The following RABGAP1L variants were observed in gnomAD, a reference collection of about 807,000 sequenced individuals.
The protein encoded by RABGAP1L is rab GTPase-activating protein 1-like.
A neutral mutation model predicts 137.7 loss-of-function variants in RABGAP1L; 63 were observed. The observed-to-expected ratio is 0.46, with a 90% CI of 0.37 to 0.56. The LOEUF is 0.56. Ranked by LOEUF, RABGAP1L falls within the 20% of genes least tolerant of loss-of-function variation. RABGAP1L has a pLI of 0.00. For missense variants in RABGAP1L, 1,095 were observed against 1,244.0 expected (o/e 0.88, Z 1.80); for synonymous variants, 431 against 433.7 (o/e 0.99, Z 0.08).
Position 174,617,340 on chromosome 1 carries a change from G to A in RABGAP1L, c.1711-20035G>A, listed in dbSNP as rs551767770. Among the ~76,000 whole-genome samples the A allele has an allele frequency of 5.3e-5, 8 of 152,252 alleles. No homozygotes were observed. The East Asian group carries it at 1.5e-3, about 29-fold the overall frequency. On this transcript the variant is annotated intron_variant, in intron 13 of 25. Coordinates refer to ENST00000681986, the MANE Select transcript of RABGAP1L (RefSeq NM_001366446.1). The stretch of plus-strand genomic sequence containing the variant: ...ACCCTCTCGAATAGTGAAAAATGAA[G>A]AAAGTAGAGTATCAGGAAAGAAAGT...
intron 20 of RABGAP1L, among the ~76,000 whole-genome samples, chr1:174,968,295 TGAAAAACAG>T (rs1229363545): frequency 6.6e-6 from 1 of 152,230 alleles, no homozygotes; most frequent in Non-Finnish European, 1.5e-5. Flanking sequence ...CGTGTAAATC[TGAAAAACAG>T]GAAGGTCTCA....
intron 13 of RABGAP1L, among the ~76,000 whole-genome samples, chr1:174,533,837 A>AT (rs988203452): frequency 6.6e-6 from 1 of 151,806 alleles, no homozygotes; most frequent in Non-Finnish European, 1.5e-5. Context: ...CACCCAGCAA[A>AT]TTTTTTGTAT....
chr1:174,578,206 A>G (rs1042466105), intron 13 of RABGAP1L, among the ~76,000 whole-genome samples: 2 of 152,122 alleles, frequency 1.3e-5, no homozygotes, highest in Admixed American at 1.3e-4. Context: ...TTCTTTATTG[A>G]GACAGTCTCA....
chr1:174,322,624 G>A (rs1163970365), intron 11 of RABGAP1L, among the ~76,000 whole-genome samples: 1 of 152,124 alleles, frequency 6.6e-6, no homozygotes, highest in African/African-American at 2.4e-5. Flanking sequence ...ATATTTCCTA[G>A]CCTTAGAGTC....
At chr1:174,413,010 A>G (rs547169034) in intron 13 of RABGAP1L, among the ~76,000 whole-genome samples, 3 of 152,260 alleles carry the variant, frequency 2.0e-5, no homozygotes, top group African/African-American at 7.2e-5. Context: ...CTACCTCTCT[A>G]GCAAGATTAG....
At chr1:174,234,454 G>A (rs1292548043) in intron 4 of RABGAP1L, among the ~76,000 whole-genome samples, 2 of 144,184 alleles carry the variant, frequency 1.4e-5, no homozygotes, top group Non-Finnish European at 3.0e-5. Flanking sequence ...TAAGGTGTAA[G>A]GAAGGGATCC....
At chr1:174,430,446 G>C (rs1252958622) in intron 13 of RABGAP1L, among the ~76,000 whole-genome samples, 2 of 152,038 alleles carry the variant, frequency 1.3e-5, no homozygotes, top group Non-Finnish European at 2.9e-5. Flanking sequence ...TAGGGTTCCA[G>C]ACCTCAAACA....
At chr1:174,565,884 A>ATTTTTT (rs776033808) in intron 13 of RABGAP1L, among the ~76,000 whole-genome samples, 2 of 132,756 alleles carry the variant, frequency 1.5e-5, no homozygotes, top group African/African-American at 5.6e-5. Context: ...AATCCTTTAC[A>ATTTTTT]TTTTTTTTTT....
chr1:174,317,302 G>A (rs1244087737), intron 11 of RABGAP1L, among the ~76,000 whole-genome samples: 3 of 152,092 alleles, frequency 2.0e-5, no homozygotes, highest in Non-Finnish European at 4.4e-5. Flanking sequence ...GGCCCTTGAT[G>A]TAGTACCTGG....
At chr1:174,428,495 A>G (rs1209946693) in intron 13 of RABGAP1L, among the ~76,000 whole-genome samples, 1 of 152,204 alleles carries the variant, frequency 6.6e-6, no homozygotes, top group Admixed American at 6.5e-5. Flanking sequence ...GAGATTTTCC[A>G]AACCTCAGTG....
intron 19 of RABGAP1L, among the ~76,000 whole-genome samples, chr1:174,849,352 A>T (rs942993810): frequency 6.6e-6 from 1 of 152,190 alleles, no homozygotes; most frequent in African/African-American, 2.4e-5. Flanking sequence ...GGGATTCAGG[A>T]TATTTCCCAA....
chr1:174,280,048 G>GGAGAGAGAGAGAGAGAGAGAGAGAGA (rs59262212), intron 10 of RABGAP1L, among the ~76,000 whole-genome samples: 12 of 125,306 alleles, frequency 9.6e-5, no homozygotes, highest in African/African-American at 3.3e-4. Flanking sequence ...CTGTCTGCCT[G>GGAGAGAGAGAGAGAGAGAGAGAGAGA]GAGAGAGAGA....
intron 14 of RABGAP1L, among the ~76,000 whole-genome samples, chr1:174,681,922 A>T (rs1232009815): frequency 6.6e-6 from 1 of 152,208 alleles, no homozygotes; most frequent in African/African-American, 2.4e-5. Context: ...CAACACATAG[A>T]TGGAATACAT....
At chr1:174,419,829 C>A (rs1180607811) in intron 13 of RABGAP1L, among the ~76,000 whole-genome samples, 1 of 152,162 alleles carries the variant, frequency 6.6e-6, no homozygotes, top group Admixed American at 6.5e-5. Flanking sequence ...ATCAAAGAAG[C>A]AGAAGATGAT....
chr1:174,628,872 A>G (rs1452635030), intron 13 of RABGAP1L, among the ~76,000 whole-genome samples: 1 of 152,204 alleles, frequency 6.6e-6, no homozygotes, highest in Non-Finnish European at 1.5e-5. Flanking sequence ...GAATCTTCTC[A>G]GAAAATGAAT....
At chr1:174,300,199 C>T (rs1677537069) in intron 10 of RABGAP1L, among the ~76,000 whole-genome samples, 1 of 152,044 alleles carries the variant, frequency 6.6e-6, no homozygotes, top group Non-Finnish European at 1.5e-5. Flanking sequence ...CTCTCTTTTT[C>T]TGGACACTTC....
chr1:174,547,359 G>C (rs1666103238), intron 13 of RABGAP1L, among the ~76,000 whole-genome samples: 1 of 152,180 alleles, frequency 6.6e-6, no homozygotes, highest in Non-Finnish European at 1.5e-5. Context: ...ACTCACACCT[G>C]TAATCCTGGT....
At chr1:174,611,515 C>T (rs1190997105) in intron 13 of RABGAP1L, among the ~76,000 whole-genome samples, 2 of 148,730 alleles carry the variant, frequency 1.3e-5, no homozygotes, top group East Asian at 3.9e-4. Context: ...GTTCTTTTGG[C>T]TTAGGATTGA....
At chr1:174,827,100 T>G (rs894346433) in intron 19 of RABGAP1L, among the ~76,000 whole-genome samples, 10 of 152,192 alleles carry the variant, frequency 6.6e-5, no homozygotes, top group African/African-American at 2.4e-4. Context: ...TGATTATTCC[T>G]CTGTCTATAT....
Sources: allele counts gnomAD v4.1 joint callset (sites outside exome capture counted in the v4.1 genomes callset), GRCh38; gene constraint gnomAD v4.1.1; transcripts MANE v1.5; gene names NCBI Gene and HGNC (gene_info 2026-07-23, HGNC 2026-07-21).